Variants in SMARCA4 observed in about 807,000 individuals in gnomAD.
SMARCA4 encodes the protein SWI/SNF-related matrix-associated actin-dependent regulator of chromatin subfamily A member 4.
Under a neutral mutation model 193.9 loss-of-function variants are expected in SMARCA4, and 31 were observed. The observed-to-expected ratio is 0.16, with a 90% confidence interval of 0.12 to 0.22. The LOEUF (loss-of-function observed/expected upper bound fraction) is 0.22, where lower values mean the gene tolerates loss of function less well. Among genes scored for constraint, SMARCA4 ranks in the 10% least tolerant of loss-of-function variants. SMARCA4 has a pLI of 1.00. For missense variants in SMARCA4, 1,148 were observed against 2,296.0 expected, an observed-to-expected ratio of 0.50 and a Z score of 10.22; for synonymous variants, 942 against 933.1, an observed-to-expected ratio of 1.01 and a Z score of -0.17.
chr19:11,061,187 TTAAA>T (rs1568568277), intron 34 of SMARCA4, among the ~76,000 whole-genome samples: 1 of 54,104 alleles, frequency 1.8e-5, no homozygotes, highest in African/African-American at 1.4e-4. Context: ...GACCCTGTCT[TTAAA>T]AAAAAAAAAA....
At chr19:11,049,250 G>A (rs1333538681) in intron 30 of SMARCA4, among the ~76,000 whole-genome samples, 1 of 152,048 alleles carries the variant, frequency 6.6e-6, no homozygotes. Context: ...GCCTCACAGG[G>A]GCCCTGGGCC....
At position 10,994,320 on chromosome 19, in the gene SMARCA4, T is replaced by G. The variant is rs969669289; in HGVS notation, c.1420-508T>G. 2.2e-5 allele frequency among the ~76,000 whole-genome samples: 3 copies of G among 138,404 alleles called. No homozygotes were observed. In the East Asian group the frequency reaches 6.2e-4, roughly 28 times the overall value. 90.8% of individuals were successfully genotyped at this position (138,404 alleles called of 152,430 possible). On this transcript the variant is annotated intron_variant, in intron 8 of 34. Transcript: ENST00000344626. ...AGCCTCCCAAAGCGATATTCTAGGT[T>G]TTTTTTTTTTTTTTTTTTTTTGAGA...
intron 1 of SMARCA4, among the ~76,000 whole-genome samples, chr19:10,976,977 A>C (rs961034205): frequency 8.6e-5 from 13 of 151,710 alleles, no homozygotes; most frequent in African/African-American, 3.2e-4. Flanking sequence ...GAATCGCTTG[A>C]ACCTAGGAGG....
At chr19:11,042,210 G>A (rs1401121406) in intron 30 of SMARCA4, among the ~76,000 whole-genome samples, 1 of 152,242 alleles carries the variant, frequency 6.6e-6, no homozygotes, top group Non-Finnish European at 1.5e-5. Context: ...CGGCCCAGCG[G>A]CGGATCATAA....
intron 7 of SMARCA4, among the ~76,000 whole-genome samples, chr19:10,990,601 C>T (rs1022537844): frequency 1.3e-5 from 2 of 151,984 alleles, no homozygotes; most frequent in Non-Finnish European, 2.9e-5. Flanking sequence ...TTAATAGACA[C>T]AGGGTTTCGC....
intron 29 of SMARCA4, chr19:11,039,777 CAT>C (rs2075479978): frequency 5.8e-6 from 2 of 347,252 alleles, no homozygotes; most frequent in East Asian, 4.4e-5. Context: ...AGCAAGACCA[CAT>C]GTCTAAGAAA....
Position 11,033,119 on chromosome 19 carries a change from G to A in SMARCA4, c.3547-171G>A, listed in dbSNP as rs927428773. 1.5e-6 allele frequency: 1 copy of A among 681,942 alleles called. No individual in the cohort carries two copies. Among genetic ancestry groups the A allele is most frequent in the Non-Finnish European group, 2.7e-6 (1 of 372,312 alleles). 42.2% of individuals were successfully genotyped at this position (681,942 alleles called of 1,614,324 possible). A position where few individuals can be genotyped will look rare whatever the true frequency, so the allele number is the denominator to read the frequency against. ...GTCCCCTTCCCCCGAGGGACACATGGCGGCCCAGGCTCCACCAGCTCTGTT... is the reference window on the plus strand; with the variant it reads ...GTCCCCTTCCCCCGAGGGACACATGACGGCCCAGGCTCCACCAGCTCTGTT... On this transcript the variant is annotated intron_variant, in intron 25 of 34. Coordinates refer to ENST00000344626, the MANE Select transcript of SMARCA4 (RefSeq NM_003072.5). This position sits in a 1 kb window ranked among gnomAD's most constrained non-coding sequence, Gnocchi z 9.8.
chr19:11,005,188 ACC>A (rs555937527), intron 13 of SMARCA4, among the ~76,000 whole-genome samples: 196 of 152,164 alleles, frequency 1.3e-3, no homozygotes, highest in African/African-American at 4.3e-3. Context: ...TACTTTAGCT[ACC>A]CTGGAGTCTG....
intron 1 of SMARCA4, among the ~76,000 whole-genome samples, chr19:10,965,983 T>G (rs942922866): frequency 7.1e-6 from 1 of 140,374 alleles, no homozygotes; most frequent in African/African-American, 2.7e-5. Flanking sequence ...TTTTTTTTTT[T>G]TTTTTTTTTT....
In SMARCA4 at chr19:10,984,058, T is replaced by C; in HGVS notation, c.-31-63T>C. On this transcript the variant is annotated intron_variant, in intron 1 of 34. Coordinates refer to ENST00000344626, the MANE Select transcript of SMARCA4 (RefSeq NM_003072.5). This position sits in a 1 kb window ranked among gnomAD's most constrained non-coding sequence, Gnocchi z 4.3. ...CTGATGTGACCGTATGATTGTCCCT[T>C]GCTATCCCTGTCCTGCCTCGCCCTT... 1 of 1,300,750 alleles carries C rather than the reference T, an allele frequency of 7.7e-7. No individual in the cohort carries two copies. 80.6% of individuals were successfully genotyped at this position (1,300,750 alleles called of 1,614,324 possible).
chr19:11,024,253 G>T (rs1234759434), intron 20 of SMARCA4, 78 bp from the exon 21 acceptor site: 17 of 963,874 alleles, frequency 1.8e-5, no homozygotes, highest in Non-Finnish European at 2.5e-5. Flanking sequence ...GGCCGAGGGG[G>T]TCAGAGCTGG....
At position 11,058,194 on chromosome 19, in the gene SMARCA4, T is replaced by G. The variant is rs1413160962; in HGVS notation, c.4425-61T>G. 1.2e-5 allele frequency: 11 copies of G among 927,558 alleles called. No homozygotes were observed. The highest frequency in any genetic ancestry group is 1.1e-4 in the African/African-American group (5 of 44,726). The allele number at this position is 927,558 out of a possible 1,614,324, so 57.5% of individuals were successfully genotyped here. The stretch of plus-strand genomic sequence containing the variant: ...TAAACAATGTGGGAACCTGCTGAGG[T>G]GGGGTGGGGGCTCCCGGGTGGGCGG... On this transcript the variant is annotated intron_variant, in intron 30 of 34. Transcript: ENST00000344626. This position sits in a 1 kb window ranked among gnomAD's most constrained non-coding sequence, Gnocchi z 5.8.
chr19:11,007,424 C>A, intron 13 of SMARCA4, among the ~76,000 whole-genome samples: 1 of 126,088 alleles, frequency 7.9e-6, no homozygotes, highest in Admixed American at 8.8e-5. Context: ...AGTGACACTT[C>A]GTCTCAAAAA....
At chr19:10,973,009 CG>C (rs1052612913) in intron 1 of SMARCA4, among the ~76,000 whole-genome samples, 1 of 151,276 alleles carries the variant, frequency 6.6e-6, no homozygotes, top group African/African-American at 2.4e-5. Flanking sequence ...CTTGGGAGGC[CG>C]GGGCAGGAGA....
Position 10,986,945 on chromosome 19 carries a change from C to T in SMARCA4, c.801C>T (p.Gly267=), listed in dbSNP as rs539124305. 19 of 1,611,540 alleles carry T rather than the reference C, an allele frequency of 1.2e-5. No individual in the cohort carries two copies. The highest frequency in any genetic ancestry group is 1.1e-4 in the African/African-American group (8 of 75,044). ...GPNMPPPGPS[G]VPPGMPGQPP... is the part of the protein sequence containing the mutation. ...ACATGCCTCCCCCAGGACCCTCGGG[C>T]GTGCCCCCCGGGATGCCAGGCCAGC... is the stretch of plus-strand genomic sequence containing the variant. Residue 267 remains glycine (G), a synonymous_variant, in exon 5 of 35, where the codon GGC becomes GGT. Coordinates refer to ENST00000344626, the MANE Select transcript of SMARCA4 (RefSeq NM_003072.5). This position sits in a 1 kb window ranked among gnomAD's most constrained non-coding sequence, Gnocchi z 6.7.
chr19:10,987,775 G>C lies in SMARCA4; in HGVS notation c.969G>C (p.Ser323=), dbSNP rs770128715. ...PAPPAVPPAA[S]PVMPPQTQSP... ...CCCCTGCCGTCCCACCCGCCGCCTCGCCCGTGATGCCACCGCAGACCCAGT... is the reference window on the plus strand; with the variant it reads ...CCCCTGCCGTCCCACCCGCCGCCTCCCCCGTGATGCCACCGCAGACCCAGT... The change falls in exon 6 of 35, where the codon TCG becomes TCC. Residue 323 remains serine (S), a synonymous_variant. Transcript: ENST00000344626. The surrounding 1 kb of genome is among the most constrained non-coding windows in gnomAD (Gnocchi z 5.3). 5 of 1,597,600 alleles carry C rather than the reference G, an allele frequency of 3.1e-6. No individual in the cohort carries two copies. Among genetic ancestry groups the C allele is most frequent in the Non-Finnish European group, 4.3e-6 (5 of 1,172,862 alleles).
intron 15 of SMARCA4, chr19:11,011,024 G>T (rs1264642848): frequency 4.1e-6 from 1 of 243,364 alleles, no homozygotes; most frequent in South Asian, 5.5e-5. Context: ...TGGGGATGAG[G>T]TAGCAGGTCC....
chr19:11,018,828 C>A, intron 16 of SMARCA4, 129 bp from the exon 17 acceptor site: 1 of 810,542 alleles, frequency 1.2e-6, no homozygotes, highest in Non-Finnish European at 2.2e-6. Context: ...GCCCTAAACA[C>A]AGTTTCTCTG....
At chr19:11,010,868 C>T (rs767017340) in intron 15 of SMARCA4, 11 of 386,622 alleles carry the variant, frequency 2.8e-5, no homozygotes, top group South Asian at 1.2e-4. Flanking sequence ...AGCATCGCAC[C>T]GTGTGTAGGA....
Sources: gnomAD v4.1 joint callset for allele counts (sites outside exome capture counted in the v4.1 genomes callset) on GRCh38, gnomAD v4.1.1 for gene constraint, Gnocchi (gnomAD v3.1) non-coding constraint, MANE v1.5 for transcripts, NCBI Gene and HGNC (gene_info 2026-07-23, HGNC 2026-07-21) for gene names.